The following NMNAT1 variants were observed in gnomAD, a reference collection of about 807,000 sequenced individuals.
NMNAT1 encodes nicotinamide nucleotide adenylyltransferase 1.
A neutral mutation model predicts 16.7 loss-of-function variants in NMNAT1; 11 were observed. That is an observed-to-expected ratio of 0.66 (90% CI 0.41 to 1.09). The LOEUF is 1.09. Ranked by LOEUF, NMNAT1 falls within the 50% of genes least tolerant of loss-of-function variation. The probability of loss-of-function intolerance (pLI) is 0.00; values close to 1 mark genes in which losing one functional copy is unlikely to be tolerated. For synonymous variants in NMNAT1, 110 were observed against 119.8 expected (o/e 0.92, Z 0.53); for missense variants, 280 against 332.3 (o/e 0.84, Z 1.22).
At chr1:9,961,783 T>TA (rs1315995981) in intron 1 of NMNAT1, among the ~76,000 whole-genome samples, 25 of 152,096 alleles carry the variant, frequency 1.6e-4, no homozygotes, top group Non-Finnish European at 3.1e-4. Flanking sequence ...TATATATATA[T>TA]TTTTTGAGAC....
chr1:9,990,647 GT>G, the NMNAT1 span, among the ~76,000 whole-genome samples: 5 of 152,138 alleles, frequency 3.3e-5, no homozygotes, highest in Admixed American at 3.3e-4. Context: ...ATGGTGTGGA[GT>G]CCACCACAAG....
intron 3 of NMNAT1, among the ~76,000 whole-genome samples, chr1:9,976,597 C>T (rs1641819093): frequency 6.6e-6 from 1 of 152,096 alleles, no homozygotes; most frequent in Middle Eastern, 3.4e-3. Context: ...GTTCAAAAAC[C>T]AGAGTAAGTG....
chr1:9,966,633 A>G (rs188931081), intron 1 of NMNAT1, among the ~76,000 whole-genome samples: 2 of 152,166 alleles, frequency 1.3e-5, no homozygotes, highest in Admixed American at 1.3e-4. Flanking sequence ...GTATGTATAT[A>G]TAATTATATA....
At position 9,966,376 on chromosome 1, in the gene NMNAT1, G is replaced by C. The variant is rs183391262; in HGVS notation, c.-56-5642G>C. ...GCCTGTAATCCCAACGCTGTGGGAG[G>C]CTGAGGCAGGCAGATCACCTGAGGT... On this transcript the variant is annotated intron_variant, in intron 1 of 4. Transcript: ENST00000377205. 1.5e-4 allele frequency among the ~76,000 whole-genome samples: 23 copies of C among 152,196 alleles called. 1 individual carries two copies. The Middle Eastern group carries it at 0.014, about 90-fold the overall frequency.
chr1:9,952,861 G>A (rs891357723), intron 1 of NMNAT1, among the ~76,000 whole-genome samples: 7 of 152,092 alleles, frequency 4.6e-5, no homozygotes, highest in Non-Finnish European at 8.8e-5. Context: ...GAGCCACCAC[G>A]CTCGGCTAGA....
chr1:9,954,455 C>T (rs1489692816), intron 1 of NMNAT1, among the ~76,000 whole-genome samples: 1 of 152,018 alleles, frequency 6.6e-6, no homozygotes, highest in Non-Finnish European at 1.5e-5. Context: ...ACACGATCCT[C>T]CCACCTCAGC....
intron 3 of NMNAT1, among the ~76,000 whole-genome samples, chr1:9,978,911 T>A (rs1296521666): frequency 6.6e-6 from 1 of 152,196 alleles, no homozygotes; most frequent in Non-Finnish European, 1.5e-5. Context: ...ACCTTCTCCT[T>A]GGCGTTCTGG....
At chr1:9,977,410 A>T (rs6661806) in intron 3 of NMNAT1, among the ~76,000 whole-genome samples, 99,469 of 151,812 alleles carry the variant, frequency 0.66, 37,361 homozygotes, top group Non-Finnish European at 0.85. Context: ...CTTGAGTTTA[A>T]AATGAAAGGG....
In NMNAT1 at chr1:9,972,006, T is replaced by C; in HGVS notation, c.-56-12T>C. 1 of 841,598 alleles carries C rather than the reference T, an allele frequency of 1.2e-6. No homozygotes were observed. Among genetic ancestry groups the C allele is most frequent in the East Asian group, 2.4e-5 (1 of 41,088 alleles). The allele number at this position is 841,598 out of a possible 1,614,324, so 52.1% of individuals were successfully genotyped here. A position where few individuals can be genotyped will look rare whatever the true frequency, so the allele number is the denominator to read the frequency against. ...AATGCATAACTGAATTTATTTTCTT[T>C]TTCCTTTGTAGACAACAAGGGAGGT... On this transcript the variant is annotated splice_polypyrimidine_tract_variant and intron_variant, in intron 1 of 4. Transcript: ENST00000377205.
chr1:9,982,158 C>G (rs992808935), intron 4 of NMNAT1, 143 bp from the exon 5 acceptor site: 2 of 1,103,740 alleles, frequency 1.8e-6, no homozygotes, highest in African/African-American at 1.6e-5. Flanking sequence ...CCACCGCACT[C>G]GGCCTAAGCC....
At chr1:9,950,375 A>G (rs1641079320) in intron 1 of NMNAT1, among the ~76,000 whole-genome samples, 1 of 152,152 alleles carries the variant, frequency 6.6e-6, no homozygotes, top group Non-Finnish European at 1.5e-5. Flanking sequence ...ATAGGCATGA[A>G]CCACCACGCC....
downstream of NMNAT1, among the ~76,000 whole-genome samples, chr1:9,985,938 C>G (rs1443348153): frequency 6.6e-6 from 1 of 152,172 alleles, no homozygotes; most frequent in Non-Finnish European, 1.5e-5. Flanking sequence ...TGTGAGCCAT[C>G]ACGCTCTGCC....
At chr1:9,996,183 C>A in the NMNAT1 span, among the ~76,000 whole-genome samples, 1 of 151,196 alleles carries the variant, frequency 6.6e-6, no homozygotes, top group African/African-American at 2.4e-5. Flanking sequence ...TGTTGGCGGG[C>A]GCCTGTAGTC....
the NMNAT1 span, among the ~76,000 whole-genome samples, chr1:9,991,111 G>C: frequency 1.5e-4 from 22 of 151,432 alleles, no homozygotes; most frequent in Middle Eastern, 3.4e-3. Flanking sequence ...TTCAGGCCAA[G>C]TTTTAGAACA....
chr1:9,948,006 T>C (rs1641017468), intron 1 of NMNAT1, among the ~76,000 whole-genome samples: 2 of 152,244 alleles, frequency 1.3e-5, no homozygotes, highest in Non-Finnish European at 2.9e-5. Flanking sequence ...CTGTTAATCA[T>C]GGTAATATAA....
At chr1:9,970,810 C>A (rs1641672240) in intron 1 of NMNAT1, among the ~76,000 whole-genome samples, 1 of 151,886 alleles carries the variant, frequency 6.6e-6, no homozygotes. Context: ...AAATTATATT[C>A]TATTATTTAG....
rs1642016052 is a variant in NMNAT1, at chr1:9,984,702, A to C, written c.*2001A>C. 6.6e-6 allele frequency: 1 copy of C among 152,064 alleles called. No homozygotes were observed. The highest frequency in any genetic ancestry group is 1.5e-5 in the Non-Finnish European group (1 of 68,030). 9.4% of individuals were successfully genotyped at this position (152,064 alleles called of 1,614,324 possible). A position where few individuals can be genotyped will look rare whatever the true frequency, so the allele number is the denominator to read the frequency against. On this transcript the variant is annotated 3_prime_UTR_variant, in exon 5 of 5. Coordinates refer to ENST00000377205, the MANE Select transcript of NMNAT1 (RefSeq NM_022787.4). ...TGATGCTGGGGGTTTTATGTGTTGT[A>C]CCCTTTACCCCTTACATTGTGTAAT...
intron 1 of NMNAT1, among the ~76,000 whole-genome samples, chr1:9,954,474 G>T (rs980426565): frequency 6.6e-6 from 1 of 152,106 alleles, no homozygotes; most frequent in African/African-American, 2.4e-5. Context: ...GCCTCAAAGT[G>T]TTGGGGTTAC....
chr1:9,962,686 T>G (rs1338689580), intron 1 of NMNAT1, among the ~76,000 whole-genome samples: 1 of 130,716 alleles, frequency 7.7e-6, no homozygotes, highest in Admixed American at 7.8e-5. Flanking sequence ...GGTTTTTTTT[T>G]TTTTTTTTTT....
Sources: gnomAD v4.1 joint callset for allele counts (sites outside exome capture counted in the v4.1 genomes callset) on GRCh38, gnomAD v4.1.1 for gene constraint, MANE v1.5 for transcripts, NCBI Gene and HGNC (gene_info 2026-07-23, HGNC 2026-07-21) for gene names.